Variants in SRGAP3 observed in about 807,000 individuals in gnomAD.
SRGAP3 encodes the protein SLIT-ROBO Rho GTPase activating protein 3.
In SRGAP3, 39 loss-of-function variants were observed where a neutral mutation model predicts 121.1. The ratio of observed to expected loss-of-function variants is 0.32; its 90% confidence interval spans 0.25 to 0.42. SRGAP3 has a LOEUF of 0.42. Among genes scored for constraint, SRGAP3 ranks in the 10% least tolerant of loss-of-function variants. The pLI, the probability that SRGAP3 is intolerant of heterozygous loss-of-function variation, is 1.00. For missense variants in SRGAP3, 1,213 were observed against 1,470.6 expected, an observed-to-expected ratio of 0.82 and a Z score of 2.86; for synonymous variants, 601 against 570.0, an observed-to-expected ratio of 1.05 and a Z score of -0.77.
chr3:9,279,730 G>T (rs950562180), intron 3 of SRGAP3, among the ~76,000 whole-genome samples: 2 of 151,850 alleles, frequency 1.3e-5, no homozygotes, highest in African/African-American at 4.8e-5. Flanking sequence ...GACCAAGCTG[G>T]TCTCAAACTC....
rs142852915 is a variant in SRGAP3 at position 8,992,920 on chromosome 3, C to A, written c.2544G>T (p.Gly848=). The A allele has an allele frequency of 2.3e-5, 37 of 1,614,106 alleles. No individual in the cohort carries two copies. The African/African-American group carries it at 3.7e-4, about 16-fold the overall frequency. ...PTEHISDYGF[G]GVMGRVRLRS... The stretch of plus-strand genomic sequence containing the variant: ...GCATATCCTACCGGCCCATCACCCC[C>A]CCAAAGCCGTAATCCGAGATGTGCT... The change falls in exon 20 of 22, where the codon GGG becomes GGT. Residue 848 remains glycine (G), a synonymous_variant. Coordinates refer to ENST00000383836, the MANE Select transcript of SRGAP3 (RefSeq NM_014850.4).
intron 3 of SRGAP3, among the ~76,000 whole-genome samples, chr3:9,301,311 GAAGTT>G (rs1311319436): frequency 6.6e-6 from 1 of 152,224 alleles, no homozygotes; most frequent in Non-Finnish European, 1.5e-5. Context: ...GGATGGCCCA[GAAGTT>G]AAGTTAACGC....
At chr3:9,314,494 C>T (rs1955309512) in intron 3 of SRGAP3, among the ~76,000 whole-genome samples, 1 of 152,112 alleles carries the variant, frequency 6.6e-6, no homozygotes. Flanking sequence ...ATGTTCGGGA[C>T]AGAGACCCAA....
intron 3 of SRGAP3, among the ~76,000 whole-genome samples, chr3:9,299,871 C>T (rs1360108005): frequency 3.9e-5 from 6 of 152,176 alleles, no homozygotes; most frequent in African/African-American, 1.4e-4. Context: ...CACCAGTGCA[C>T]TCTAGCCTGG....
intron 2 of SRGAP3, among the ~76,000 whole-genome samples, chr3:9,112,483 C>T (rs540617702): frequency 3.9e-5 from 6 of 152,340 alleles, no homozygotes; most frequent in South Asian, 2.1e-4. Context: ...CTTCCCACTT[C>T]GTGGAGCTTA....
chr3:9,256,167 G>C (rs1954128963), intron 3 of SRGAP3, among the ~76,000 whole-genome samples: 1 of 151,898 alleles, frequency 6.6e-6, no homozygotes, highest in South Asian at 2.1e-4. Context: ...ACCTGTCACG[G>C]AGCTGCTGGG....
chr3:9,221,685 C>T (rs1030472766), intron 1 of SRGAP3, among the ~76,000 whole-genome samples: 1 of 152,178 alleles, frequency 6.6e-6, no homozygotes, highest in Admixed American at 6.5e-5. Flanking sequence ...AGTCAGAACT[C>T]TGCTTCCCAC....
At chr3:9,339,726 A>C (rs1342851338) in intron 1 of SRGAP3, among the ~76,000 whole-genome samples, 3 of 152,336 alleles carry the variant, frequency 2.0e-5, no homozygotes, top group African/African-American at 4.8e-5. Flanking sequence ...AATAAAATAC[A>C]CCTAACCTAG....
Position 9,021,731 on chromosome 3 carries a change from A to T in SRGAP3, c.1678+3530T>A, listed in dbSNP as rs76401348. On this transcript the variant is annotated intron_variant, in intron 14 of 21. Coordinates refer to ENST00000383836, the MANE Select transcript of SRGAP3 (RefSeq NM_014850.4). ...CAGAGCCAAGGAAGAACAAGACCCAAATCCCTTTTAACAACTGGTGAAGAA... is the reference window on the plus strand; with the variant it reads ...CAGAGCCAAGGAAGAACAAGACCCATATCCCTTTTAACAACTGGTGAAGAA... Among the ~76,000 whole-genome samples, 450 of 152,342 alleles carry T rather than the reference A, an allele frequency of 3.0e-3. 1 individual carries two copies. The highest frequency in any genetic ancestry group is 0.01 in the African/African-American group (433 of 41,586).
chr3:9,229,016 T>C (rs547698354), intron 1 of SRGAP3, among the ~76,000 whole-genome samples: 4 of 142,848 alleles, frequency 2.8e-5, no homozygotes, highest in African/African-American at 1.1e-4. Context: ...GAGCCGAGAT[T>C]GCGCCACTGC....
chr3:9,031,242 C>T (rs1944466269), intron 12 of SRGAP3, among the ~76,000 whole-genome samples: 1 of 152,134 alleles, frequency 6.6e-6, no homozygotes, highest in Admixed American at 6.5e-5. Flanking sequence ...AGTAACTAGC[C>T]CCTTCTTGGC....
intron 19 of SRGAP3, 104 bp from the exon 20 acceptor site, chr3:8,993,159 T>C (rs761222261): frequency 1.3e-6 from 2 of 1,564,770 alleles, no homozygotes; most frequent in Non-Finnish European, 1.7e-6. Flanking sequence ...ACACAACTTA[T>C]GGTTACTTTG....
chr3:9,040,180 C>A (rs1451676040), intron 10 of SRGAP3, among the ~76,000 whole-genome samples: 1 of 152,244 alleles, frequency 6.6e-6, no homozygotes, highest in Non-Finnish European at 1.5e-5. Context: ...TCCATTCTTG[C>A]CTCAGCAGCC....
chr3:9,286,717 C>T (rs1353939918), intron 3 of SRGAP3, among the ~76,000 whole-genome samples: 1 of 150,584 alleles, frequency 6.6e-6, no homozygotes. Context: ...ATTCTCCTGC[C>T]TCAGCCTCCT....
At chr3:9,303,782 A>C (rs1472436362) in intron 3 of SRGAP3, among the ~76,000 whole-genome samples, 1 of 152,242 alleles carries the variant, frequency 6.6e-6, no homozygotes, top group Non-Finnish European at 1.5e-5. Flanking sequence ...GATAAACATT[A>C]CTTCATTTAA....
intron 4 of SRGAP3, among the ~76,000 whole-genome samples, chr3:9,066,424 T>A (rs1425675031): frequency 2.0e-5 from 3 of 152,222 alleles, no homozygotes; most frequent in Non-Finnish European, 2.9e-5. Flanking sequence ...AATGAATTCC[T>A]GGCCAACCCT....
chr3:9,022,291 G>A lies in SRGAP3; in HGVS notation c.1678+2970C>T, dbSNP rs535714952. On this transcript the variant is annotated intron_variant, in intron 14 of 21. Coordinates refer to ENST00000383836, the MANE Select transcript of SRGAP3 (RefSeq NM_014850.4). ...TGCAGTGAGCCGAGATTCCGCCACC[G>A]CACTCCAGCCTGGTGACAGAGCGAG... 6.6e-5 allele frequency among the ~76,000 whole-genome samples: 10 copies of A among 152,304 alleles called. No homozygotes were observed. The South Asian group carries it at 1.7e-3, about 25-fold the overall frequency.
chr3:9,113,748 A>G (rs1267539295), intron 2 of SRGAP3, among the ~76,000 whole-genome samples: 1 of 151,942 alleles, frequency 6.6e-6, no homozygotes, highest in African/African-American at 2.4e-5. Flanking sequence ...AGTTCTCACA[A>G]GATCTGATGG....
At chr3:9,102,146 G>C (rs1948241042) in intron 3 of SRGAP3, among the ~76,000 whole-genome samples, 1 of 152,208 alleles carries the variant, frequency 6.6e-6, no homozygotes. Flanking sequence ...CAGACATGGG[G>C]AGTGGTTTCT....
Sources: allele counts gnomAD v4.1 joint callset (sites outside exome capture counted in the v4.1 genomes callset), GRCh38; gene constraint gnomAD v4.1.1; transcripts MANE v1.5; gene names NCBI Gene and HGNC (gene_info 2026-07-23, HGNC 2026-07-21).